The following RERE variants were observed in gnomAD, a reference collection of about 807,000 sequenced individuals.
RERE encodes arginine-glutamic acid dipeptide repeats protein.
Under a neutral mutation model 146.1 loss-of-function variants are expected in RERE, and 40 were observed. That is an observed-to-expected ratio of 0.27 (90% CI 0.21 to 0.36). The LOEUF (loss-of-function observed/expected upper bound fraction) is 0.36. Among genes scored for constraint, RERE ranks in the 10% least tolerant of loss-of-function variants. The probability of loss-of-function intolerance (pLI) is 1.00; values close to 1 mark genes in which losing one functional copy is unlikely to be tolerated. For synonymous variants in RERE, 1,003 were observed against 866.0 expected (o/e 1.16, Z -2.78); for missense variants, 1,933 against 2,138.7 (o/e 0.90, Z 1.90).
At chr1:8,694,226 A>G (rs1319194784) in intron 1 of RERE, among the ~76,000 whole-genome samples, 1 of 152,186 alleles carries the variant, frequency 6.6e-6, no homozygotes, top group Admixed American at 6.5e-5. Context: ...TACCTAGAAA[A>G]CCCTGAAGAC....
intron 12 of RERE, among the ~76,000 whole-genome samples, chr1:8,372,735 C>T (rs892116682): frequency 6.6e-6 from 1 of 152,242 alleles, no homozygotes; most frequent in African/African-American, 2.4e-5. Context: ...CAGTTTCCTG[C>T]CTCCTTGCCC....
chr1:8,644,038 C>T (rs1232185922), intron 2 of RERE, among the ~76,000 whole-genome samples: 1 of 152,126 alleles, frequency 6.6e-6, no homozygotes, highest in African/African-American at 2.4e-5. Context: ...ATTTACTTAC[C>T]TATCACACAC....
At chr1:8,474,746 T>G (rs1438116137) in intron 10 of RERE, among the ~76,000 whole-genome samples, 1 of 152,234 alleles carries the variant, frequency 6.6e-6, no homozygotes, top group African/African-American at 2.4e-5. Context: ...CCGTGACCTT[T>G]TTAGATCAAA....
intron 1 of RERE, among the ~76,000 whole-genome samples, chr1:8,732,206 T>G (rs1468646503): frequency 6.6e-6 from 1 of 152,212 alleles, no homozygotes; most frequent in Non-Finnish European, 1.5e-5. Context: ...TCTGCACAAA[T>G]TTTAGAGTAG....
chr1:8,667,288 T>C (rs1211815664), intron 1 of RERE, among the ~76,000 whole-genome samples: 1 of 152,160 alleles, frequency 6.6e-6, no homozygotes, highest in Admixed American at 6.5e-5. Flanking sequence ...AGAAACGATA[T>C]ATAATCTTTA....
At chr1:8,426,739 TGCCCA>T (rs1429618596) in intron 11 of RERE, among the ~76,000 whole-genome samples, 25 of 152,296 alleles carry the variant, frequency 1.6e-4, no homozygotes, top group Admixed American at 1.1e-3. Flanking sequence ...ATCCTGGCCC[TGCCCA>T]CCTTTCCAGC....
At chr1:8,664,302 C>T (rs1315499557) in intron 1 of RERE, among the ~76,000 whole-genome samples, 1 of 152,150 alleles carries the variant, frequency 6.6e-6, no homozygotes, top group Non-Finnish European at 1.5e-5. Flanking sequence ...CTGCTCCCTC[C>T]ACTTCTTATA....
chr1:8,553,173 G>A (rs1383857870), intron 6 of RERE, among the ~76,000 whole-genome samples: 8 of 144,818 alleles, frequency 5.5e-5, no homozygotes, highest in Admixed American at 1.4e-4. Context: ...ATGCGTGTGC[G>A]ACACACCACT....
Position 8,777,890 on chromosome 1 carries a change from T to TAA in RERE, c.-145+39268_-145+39269dup, listed in dbSNP as rs36090225. Among the ~76,000 whole-genome samples, 483 of 140,734 alleles carry TAA rather than the reference T, an allele frequency of 3.4e-3. 1 individual carries two copies. Among genetic ancestry groups the TAA allele is most frequent in the African/African-American group, 6.7e-3 (259 of 38,770 alleles). The allele number at this position is 140,734 out of a possible 152,430, so 92.3% of individuals were successfully genotyped here. On this transcript the variant is annotated intron_variant, in intron 1 of 22. Transcript: ENST00000400908. ...TGGTATAAAAATAAAAGTATATGGT[T>TAA]AAAAAAAAAAAAAAACTTCAACTAC...
intron 1 of RERE, among the ~76,000 whole-genome samples, chr1:8,783,942 T>C (rs1489293440): frequency 2.0e-5 from 3 of 152,146 alleles, no homozygotes; most frequent in Admixed American, 6.5e-5. Context: ...GGAGGAAGTA[T>C]GGAATGGGCT....
rs565088692 is a variant in RERE, at chr1:8,361,009, G to A, written c.2498C>T (p.Ala833Val). ...HPPLQPLTGS[A>V]GQPSAPSHAQ... ...ATGAGAGGGTGCAGAAGGCTGGCCC[G>A]CCGACCCAGTCAGAGGCTGCAGCGG... Residue 833 changes from alanine (A) to valine (V), a missense_variant, in exon 18 of 23, where the codon GCG (alanine) becomes GTG (valine). Ala to Val is a moderately conservative substitution (Grantham distance 64, BLOSUM62 0). This residue lies in a region of RERE where 1,255 missense variants were observed against 1,153.8 expected (regional missense o/e 1.09). Coordinates refer to ENST00000400908, the MANE Select transcript of RERE (RefSeq NM_001042681.2). 82 of 1,436,408 alleles carry A rather than the reference G, an allele frequency of 5.7e-5. No homozygotes were observed. The highest frequency in any genetic ancestry group is 1.3e-4 in the East Asian group (5 of 39,194). 89.0% of individuals were successfully genotyped at this position (1,436,408 alleles called of 1,614,324 possible). A position where few individuals can be genotyped will look rare whatever the true frequency, so the allele number is the denominator to read the frequency against.
intron 11 of RERE, among the ~76,000 whole-genome samples, chr1:8,437,077 C>T (rs748617752): frequency 5.3e-5 from 8 of 152,090 alleles, no homozygotes; most frequent in Admixed American, 3.9e-4. Flanking sequence ...CACATAGGGC[C>T]GTTATTTCAA....
chr1:8,719,399 C>T (rs1340384547), intron 1 of RERE, among the ~76,000 whole-genome samples: 1 of 152,166 alleles, frequency 6.6e-6, no homozygotes, highest in East Asian at 1.9e-4. Flanking sequence ...CCCAAATTAG[C>T]ATCCTTAAGG....
intron 1 of RERE, among the ~76,000 whole-genome samples, chr1:8,785,952 A>G (rs1252743900): frequency 6.6e-6 from 1 of 151,960 alleles, no homozygotes; most frequent in Non-Finnish European, 1.5e-5. Flanking sequence ...AATACTGGTA[A>G]GACTTTCACA....
At chr1:8,761,370 C>G (rs1209548417) in intron 1 of RERE, among the ~76,000 whole-genome samples, 3 of 152,164 alleles carry the variant, frequency 2.0e-5, no homozygotes, top group African/African-American at 7.2e-5. Flanking sequence ...TTAAATATTT[C>G]CATCTGCCTA....
At chr1:8,368,147 A>C (rs1641888804) in intron 12 of RERE, among the ~76,000 whole-genome samples, 2 of 152,198 alleles carry the variant, frequency 1.3e-5, no homozygotes, top group Admixed American at 6.5e-5. Flanking sequence ...CCTCAGTCCA[A>C]GTCATTTTAG....
chr1:8,809,454 G>A (rs1641752547), intron 1 of RERE, among the ~76,000 whole-genome samples: 1 of 152,172 alleles, frequency 6.6e-6, no homozygotes, highest in Admixed American at 6.5e-5. Flanking sequence ...GTTACTACAA[G>A]AGACAATAAT....
rs1646544105 is a variant in RERE, at chr1:8,595,437, G to A, written c.522+19124C>T. ...AGTACACACACACAAGAAAAATTCA[G>A]ACAAACTTTAATGTATTTTATTATT... is the stretch of plus-strand genomic sequence containing the variant. On this transcript the variant is annotated intron_variant, in intron 4 of 22. Coordinates refer to ENST00000400908, the MANE Select transcript of RERE (RefSeq NM_001042681.2). 2.0e-5 allele frequency among the ~76,000 whole-genome samples: 3 copies of A among 151,430 alleles called. No individual in the cohort carries two copies. In the South Asian group the frequency reaches 6.2e-4, roughly 31 times the overall value.
intron 7 of RERE, among the ~76,000 whole-genome samples, chr1:8,514,781 A>G (rs2124321573): frequency 6.6e-6 from 1 of 152,174 alleles, no homozygotes. Flanking sequence ...AAGAAAAGAA[A>G]AGAGAAATAA....
Sources: allele counts gnomAD v4.1 joint callset (sites outside exome capture counted in the v4.1 genomes callset), GRCh38; gene constraint gnomAD v4.1.1; regional missense constraint gnomAD v4.1.1; transcripts MANE v1.5; gene names NCBI Gene and HGNC (gene_info 2026-07-23, HGNC 2026-07-21).